Variants in DCAF4 observed in about 807,000 individuals in gnomAD.
DCAF4 encodes the protein DDB1- and CUL4-associated factor 4.
A neutral mutation model predicts 60.9 loss-of-function variants in DCAF4; 37 were observed. The observed-to-expected ratio is 0.61, with a 90% CI of 0.47 to 0.80. The LOEUF (loss-of-function observed/expected upper bound fraction) is 0.80, where lower values mean the gene tolerates loss of function less well. Ranked by LOEUF, DCAF4 falls within the 30% of genes least tolerant of loss-of-function variation. DCAF4 has a pLI of 0.00. For synonymous variants in DCAF4, 243 were observed against 254.8 expected (o/e 0.95, Z 0.44); for missense variants, 577 against 650.0 (o/e 0.89, Z 1.22).
At chr14:72,958,340 C>G (rs1163875732) in intron 13 of DCAF4, among the ~76,000 whole-genome samples, 1 of 152,140 alleles carries the variant, frequency 6.6e-6, no homozygotes, top group Non-Finnish European at 1.5e-5. Context: ...TTGAACGTTC[C>G]GTGACATCAA....
intron 9 of DCAF4, among the ~76,000 whole-genome samples, chr14:72,953,333 T>C (rs1393560210): frequency 6.6e-6 from 1 of 152,056 alleles, no homozygotes; most frequent in Non-Finnish European, 1.5e-5. Context: ...GGGTGGTGGG[T>C]ACATGGCTAT....
intron 13 of DCAF4, 27 bp downstream of exon 13, chr14:72,956,527 C>T (rs368963532): frequency 1.3e-6 from 2 of 1,587,584 alleles, no homozygotes; most frequent in Non-Finnish European, 1.7e-6. Context: ...GGGGAAGTTC[C>T]ACCCCATCAA....
At chr14:72,953,732 A>AAAAAAATATATATATATATAT (rs1555527852) in intron 9 of DCAF4, among the ~76,000 whole-genome samples, 1 of 21,776 alleles carries the variant, frequency 4.6e-5, no homozygotes, top group Non-Finnish European at 7.4e-5. Flanking sequence ...AAAAAAAAAA[A>AAAAAAATATATATATATATAT]ATATATATAT....
At chr14:72,943,144 G>T (rs1304721726) in intron 6 of DCAF4, 48 bp downstream of exon 6, 1 of 1,558,866 alleles carries the variant, frequency 6.4e-7, no homozygotes, top group Admixed American at 1.7e-5. Context: ...CCACCCTCTG[G>T]ACACTTTGTG....
chr14:72,928,588 TATATATATATA>T (rs373789802), intron 1 of DCAF4, among the ~76,000 whole-genome samples: 89,907 of 146,636 alleles, frequency 0.61, 28,098 homozygotes, highest in East Asian at 0.71. Flanking sequence ...ACATCCTTTA[TATATATATATA>T]TATATATATA....
Position 72,940,259 on chromosome 14 carries a change from A to G in DCAF4, c.233A>G (p.Tyr78Cys). ...TACTTTGACCCTGAAAAGAAACGCTACTTCCGCTTGCTCCCTGGACATAAC... is the reference window on the plus strand; with the variant it reads ...TACTTTGACCCTGAAAAGAAACGCTGCTTCCGCTTGCTCCCTGGACATAAC... ...GFYFDPEKKR[Y>C]FRLLPGHNNC... Residue 78 changes from tyrosine (Y) to cysteine (C), a missense_variant, in exon 4 of 14, where the codon TAC becomes TGC. Physicochemically the swap from Tyr to Cys is radical, Grantham distance 194 (BLOSUM62 -2). Coordinates refer to ENST00000358377, the MANE Select transcript of DCAF4 (RefSeq NM_015604.4). 1.2e-6 allele frequency: 2 copies of G among 1,614,128 alleles called. No individual in the cohort carries two copies. The highest frequency in any genetic ancestry group is 1.7e-6 in the Non-Finnish European group (2 of 1,180,038).
chr14:72,944,428 T>G (rs1890459618), intron 6 of DCAF4, among the ~76,000 whole-genome samples: 2 of 152,200 alleles, frequency 1.3e-5, no homozygotes, highest in South Asian at 4.1e-4. Context: ...ACAAAACACA[T>G]AAATATGTGG....
downstream of DCAF4, chr14:72,960,784 C>A: frequency 3.4e-6 from 2 of 590,460 alleles, no homozygotes; most frequent in Non-Finnish European, 2.2e-6. Context: ...CCAGGGACTG[C>A]ATCTTTCCAG....
chr14:72,929,069 G>A (rs1201685887), intron 1 of DCAF4, among the ~76,000 whole-genome samples: 3 of 152,196 alleles, frequency 2.0e-5, no homozygotes, highest in Non-Finnish European at 4.4e-5. Context: ...AGCACTGCGG[G>A]CGGCACGGAC....
At position 72,938,025 on chromosome 14, in the gene DCAF4, G is replaced by A; in HGVS notation, c.47G>A (p.Ser16Asn). The change falls in exon 2 of 14, where the codon AGC becomes AAC. Residue 16 changes from serine (S) to asparagine (N), a missense_variant. Coordinates refer to ENST00000358377, the MANE Select transcript of DCAF4 (RefSeq NM_015604.4). ...AGTAGAAGACGACATGGGAGAAGAAGCCACCAGCAGAACCCTTGGTTCAGA... is the reference window on the plus strand; with the variant it reads ...AGTAGAAGACGACATGGGAGAAGAAACCACCAGCAGAACCCTTGGTTCAGA... ...WQSRRRHGRR[S>N]HQQNPWFRLR... The A allele has an allele frequency of 1.2e-6, 2 of 1,611,346 alleles. No homozygotes were observed. The highest frequency in any genetic ancestry group is 1.7e-6 in the Non-Finnish European group (2 of 1,179,246).
At chr14:72,937,910 A>G in intron 1 of DCAF4, 61 bp from the exon 2 acceptor site, 3 of 1,495,814 alleles carry the variant, frequency 2.0e-6, no homozygotes, top group Non-Finnish European at 2.7e-6. Context: ...GCCAAGAAGC[A>G]AACAGAAAAG....
At chr14:72,960,596 A>G, downstream of DCAF4, 1 of 1,055,922 alleles carries the variant, frequency 9.5e-7, no homozygotes, top group Non-Finnish European at 1.2e-6. Flanking sequence ...TCCCACATTC[A>G]GGATCATGGT....
At position 72,954,192 on chromosome 14, in the gene DCAF4, T is replaced by C. The variant is rs756104899; in HGVS notation, c.837T>C (p.Ser279=). 5.6e-6 allele frequency: 9 copies of C among 1,614,072 alleles called. No individual in the cohort carries two copies. The highest frequency in any genetic ancestry group is 2.2e-5 in the East Asian group (1 of 44,880). Residue 279 remains serine, a synonymous_variant, in exon 10 of 14, where the codon AGT becomes AGC. Transcript: ENST00000358377. The part of the protein sequence containing the change: ...PGIDRPGMLC[S]FRIPGAWSCA... ...TAGACCGGCCTGGCATGCTCTGCAG[T>C]TTCCGGATCCCTGGTGCCTGGTCCT...
intron 1 of DCAF4, among the ~76,000 whole-genome samples, chr14:72,929,295 A>G (rs7149675): frequency 8.3e-4 from 127 of 152,350 alleles, no homozygotes; most frequent in African/African-American, 2.9e-3. Flanking sequence ...GAAAACTGCT[A>G]GACTGTGAGA....
rs1892707024 is a variant in DCAF4 at position 72,959,569 on chromosome 14, A to G, written c.*764A>G. 2.6e-5 allele frequency: 26 copies of G among 985,416 alleles called. No homozygotes were observed. In the South Asian group the frequency reaches 1.0e-3, roughly 39 times the overall value. The allele number at this position is 985,416 out of a possible 1,614,324, so 61.0% of individuals were successfully genotyped here. A position where few individuals can be genotyped will look rare whatever the true frequency, so the allele number is the denominator to read the frequency against. On this transcript the variant is annotated 3_prime_UTR_variant, in exon 14 of 14. Transcript: ENST00000358377. ...AATTGGTTTTGACTTTTTGTAATCT[A>G]GGAGCGACAGTTCGTGAGATGTTTA... is the stretch of plus-strand genomic sequence containing the variant.
At position 72,939,129 on chromosome 14, in the gene DCAF4, G is replaced by A. The variant is rs1418172911; in HGVS notation, c.93-673G>A. ...AGCACTTTGGGAGACCAAGGCAGCC[G>A]GATCACTTGAGGTCAGGAGTTTGAG... On this transcript the variant is annotated intron_variant, in intron 2 of 13. Transcript: ENST00000358377. Among the ~76,000 whole-genome samples the A allele has an allele frequency of 2.0e-5, 3 of 151,878 alleles. No individual in the cohort carries two copies. The South Asian group carries it at 6.3e-4, about 32-fold the overall frequency.
intron 1 of DCAF4, chr14:72,929,520 C>T (rs1291384262): frequency 4.1e-6 from 3 of 725,424 alleles, no homozygotes; most frequent in Admixed American, 4.4e-5. Context: ...GGCAACAAAG[C>T]GAGACCCCGT....
At chr14:72,953,724 AAAAAAAAAATAT>A (rs1436667732) in intron 9 of DCAF4, among the ~76,000 whole-genome samples, 4 of 50,156 alleles carry the variant, frequency 8.0e-5, no homozygotes, top group Non-Finnish European at 1.3e-4. Flanking sequence ...AAAAAAAAAA[AAAAAAAAAATAT>A]ATATATATAT....
At chr14:72,940,492 A>G in intron 4 of DCAF4, 115 bp downstream of exon 4, 3 of 1,114,196 alleles carry the variant, frequency 2.7e-6, no homozygotes, top group East Asian at 5.9e-5. Context: ...GAGGCACTTC[A>G]GGGGGTGTGG....
Sources: allele counts gnomAD v4.1 joint callset (sites outside exome capture counted in the v4.1 genomes callset), GRCh38; gene constraint gnomAD v4.1.1; transcripts MANE v1.5; gene names NCBI Gene and HGNC (gene_info 2026-07-23, HGNC 2026-07-21).